Variants in LSAMP observed in about 807,000 individuals in gnomAD.
LSAMP encodes limbic system associated membrane protein.
Under a neutral mutation model 38.6 loss-of-function variants are expected in LSAMP, and 7 were observed. The ratio of observed to expected loss-of-function variants is 0.18; its 90% CI spans 0.10 to 0.34. The LOEUF (loss-of-function observed/expected upper bound fraction) is 0.34. LSAMP is among the 10% of genes least tolerant of loss of function. LSAMP has a pLI of 1.00. For synonymous variants in LSAMP, 154 were observed against 166.8 expected (o/e 0.92, Z 0.59); for missense variants, 313 against 420.0 (o/e 0.75, Z 2.23).
chr3:116,216,542 T>C (rs1254770021), intron 1 of LSAMP, among the ~76,000 whole-genome samples: 4 of 148,916 alleles, frequency 2.7e-5, no homozygotes, highest in Non-Finnish European at 5.9e-5. Context: ...CATGGGAGGA[T>C]CCAGAAGCAA....
intron 1 of LSAMP, among the ~76,000 whole-genome samples, chr3:116,178,244 G>T (rs2107564805): frequency 6.6e-6 from 1 of 152,240 alleles, no homozygotes; most frequent in South Asian, 2.1e-4. Flanking sequence ...TCAGCTTACT[G>T]CAACCTCTGC....
At chr3:116,318,674 A>G (rs9845707) in intron 1 of LSAMP, among the ~76,000 whole-genome samples, 97,452 of 152,118 alleles carry the variant, frequency 0.64, 34,751 homozygotes, top group East Asian at 0.9. Flanking sequence ...AATTAACACC[A>G]ATACCCACAT....
chr3:116,379,434 G>A (rs1486194151), intron 1 of LSAMP, among the ~76,000 whole-genome samples: 2 of 151,870 alleles, frequency 1.3e-5, no homozygotes. Context: ...ATATATTATT[G>A]GACATAAGGA....
At chr3:116,209,077 G>A (rs894157875) in intron 1 of LSAMP, among the ~76,000 whole-genome samples, 1 of 152,242 alleles carries the variant, frequency 6.6e-6, no homozygotes, top group Non-Finnish European at 1.5e-5. Context: ...GACCCTCTGA[G>A]CCAGGTGCGG....
intron 1 of LSAMP, among the ~76,000 whole-genome samples, chr3:116,410,442 A>G (rs1358507758): frequency 6.6e-6 from 1 of 152,018 alleles, no homozygotes; most frequent in Non-Finnish European, 1.5e-5. Flanking sequence ...ATCCACCTCT[A>G]AAAGCAACTG....
At chr3:116,266,785 A>G (rs2046897397) in intron 1 of LSAMP, among the ~76,000 whole-genome samples, 2 of 152,202 alleles carry the variant, frequency 1.3e-5, no homozygotes, top group African/African-American at 4.8e-5. Context: ...AAGATTAGTT[A>G]TATAATATAT....
At chr3:116,221,692 G>C (rs1215587964) in intron 1 of LSAMP, among the ~76,000 whole-genome samples, 1 of 152,206 alleles carries the variant, frequency 6.6e-6, no homozygotes. Context: ...TGGCAGAGCT[G>C]TTCTGATTAA....
At chr3:116,002,441 T>G (rs1940023643) in intron 3 of LSAMP, among the ~76,000 whole-genome samples, 1 of 152,218 alleles carries the variant, frequency 6.6e-6, no homozygotes. Flanking sequence ...AAGCTTTGGA[T>G]GCCATCTGAC....
chr3:115,896,624 A>G (rs969495143), intron 3 of LSAMP, among the ~76,000 whole-genome samples: 2 of 152,034 alleles, frequency 1.3e-5, no homozygotes, highest in African/African-American at 2.4e-5. Context: ...TCATTTAATC[A>G]AAACTGTGCC....
intron 3 of LSAMP, among the ~76,000 whole-genome samples, chr3:116,000,719 T>C (rs1559914806): frequency 6.6e-6 from 1 of 152,112 alleles, no homozygotes; most frequent in Non-Finnish European, 1.5e-5. Context: ...GCAATAAAAA[T>C]GTTGTATCTG....
At chr3:115,813,718 T>TA (rs1452001615) in intron 6 of LSAMP, among the ~76,000 whole-genome samples, 1 of 152,176 alleles carries the variant, frequency 6.6e-6, no homozygotes, top group Non-Finnish European at 1.5e-5. Flanking sequence ...ATTATAGATA[T>TA]ATGTGACTGC....
intron 1 of LSAMP, among the ~76,000 whole-genome samples, chr3:116,279,508 A>G (rs1397041332): frequency 6.6e-6 from 1 of 152,188 alleles, no homozygotes; most frequent in Non-Finnish European, 1.5e-5. Context: ...ATCTACTCTC[A>G]TGTGAAAGAT....
intron 3 of LSAMP, among the ~76,000 whole-genome samples, chr3:115,998,102 ACG>A (rs1020222658): frequency 5.6e-5 from 8 of 142,494 alleles, no homozygotes; most frequent in Non-Finnish European, 7.7e-5. Context: ...CCATTGACAC[ACG>A]TCTCCTGGGA....
At chr3:116,049,391 T>G (rs958042864) in intron 2 of LSAMP, among the ~76,000 whole-genome samples, 2 of 152,180 alleles carry the variant, frequency 1.3e-5, no homozygotes, top group Admixed American at 6.5e-5. Flanking sequence ...GACAATTAGT[T>G]GGGAAATAAA....
In LSAMP at chr3:116,055,509, G is replaced by A. The variant is rs73858509; in HGVS notation, c.388+30815C>T. Among the ~76,000 whole-genome samples, 587 of 152,206 alleles carry A rather than the reference G, an allele frequency of 3.9e-3. 6 individuals carry two copies. The highest frequency in any genetic ancestry group is 0.013 in the African/African-American group (555 of 41,550). ...TTTTCTCTAGAAGTAAGACTTGAAG[G>A]GTTAGGTCCCCCTGCCCAGCCTTTG... On this transcript the variant is annotated intron_variant, in intron 2 of 6. Transcript: ENST00000490035.
chr3:116,341,591 G>T (rs2047995778), intron 1 of LSAMP, among the ~76,000 whole-genome samples: 2 of 152,076 alleles, frequency 1.3e-5, no homozygotes, highest in South Asian at 4.1e-4. Flanking sequence ...CAATGGACAG[G>T]AGAAACCTGG....
chr3:115,968,900 G>A (rs1409372632), intron 3 of LSAMP, among the ~76,000 whole-genome samples: 1 of 152,186 alleles, frequency 6.6e-6, no homozygotes, highest in Non-Finnish European at 1.5e-5. Flanking sequence ...TTCCCCTCTG[G>A]CTAGGACTGA....
At chr3:116,019,764 G>T in intron 2 of LSAMP, 124 bp from the exon 3 acceptor site, 1 of 1,091,510 alleles carries the variant, frequency 9.2e-7, no homozygotes, top group East Asian at 2.7e-5. Context: ...TTAAGAAGTA[G>T]GATGCTTTTA....
intron 1 of LSAMP, among the ~76,000 whole-genome samples, chr3:116,219,300 A>C (rs2046255457): frequency 6.6e-6 from 1 of 152,208 alleles, no homozygotes; most frequent in South Asian, 2.1e-4. Context: ...TAAAGGCTGA[A>C]TAGTATTCCA....
Sources: allele counts gnomAD v4.1 joint callset (sites outside exome capture counted in the v4.1 genomes callset), GRCh38; gene constraint gnomAD v4.1.1; transcripts MANE v1.5; gene names NCBI Gene and HGNC (gene_info 2026-07-23, HGNC 2026-07-21).